The following NACC2 variants were observed in gnomAD, a reference collection of about 807,000 sequenced individuals.
The protein encoded by NACC2 is NACC family member 2.
Under a neutral mutation model 25.1 loss-of-function variants are expected in NACC2, and 8 were observed. The ratio of observed to expected loss-of-function variants is 0.32; its 90% CI spans 0.19 to 0.57. The LOEUF is 0.57. Ranked by LOEUF, NACC2 falls within the 20% of genes least tolerant of loss-of-function variation. The pLI, the probability that NACC2 is intolerant of heterozygous loss-of-function variation, is 0.89. For missense variants in NACC2, 644 were observed against 650.2 expected (o/e 0.99, Z 0.10); for synonymous variants, 435 against 294.7 (o/e 1.48, Z -4.88).
rs1374535587 is a variant in NACC2, at chr9:136,018,800, T to C, written c.887-2371A>G. Among the ~76,000 whole-genome samples the C allele has an allele frequency of 6.6e-6, 1 of 151,726 alleles. No homozygotes were observed. Among genetic ancestry groups the C allele is most frequent in the African/African-American group, 2.4e-5 (1 of 41,264 alleles). ...CCCGGGTGGTATTTTAAAACATAATTACACACCCCCACCCCCGGTGCAGCC... is the reference window on the plus strand; with the variant it reads ...CCCGGGTGGTATTTTAAAACATAATCACACACCCCCACCCCCGGTGCAGCC... On this transcript the variant is annotated intron_variant, in intron 2 of 5. Coordinates refer to ENST00000277554, the MANE Select transcript of NACC2 (RefSeq NM_144653.5). The surrounding 1 kb of genome is among the most constrained non-coding windows in gnomAD (Gnocchi z 4.4).
Position 136,013,165 on chromosome 9 carries a change from G to GGCC in NACC2, c.1255+33_1255+34insGGC. 23 of 706,848 alleles carry GGCC rather than the reference G, an allele frequency of 3.3e-5. No homozygotes were observed. Among genetic ancestry groups the GGCC allele is most frequent in the Non-Finnish European group, 3.6e-5 (14 of 391,526 alleles). The allele number at this position is 706,848 out of a possible 1,614,324, so 43.8% of individuals were successfully genotyped here. A position where few individuals can be genotyped will look rare whatever the true frequency, so the allele number is the denominator to read the frequency against. On this transcript the variant is annotated intron_variant, in intron 5 of 5. Transcript: ENST00000277554. This position sits in a 1 kb window ranked among gnomAD's most constrained non-coding sequence, Gnocchi z 6.6. ...AGGCTGGGATCTGAACCCAGCCCCG[G>GGCC]CCCCACCCACCCGAGAGACCCCCAG... is the stretch of plus-strand genomic sequence containing the variant.
intron 1 of NACC2, among the ~76,000 whole-genome samples, chr9:136,068,236 GC>G (rs1841110581): frequency 6.6e-6 from 1 of 152,144 alleles, no homozygotes. Flanking sequence ...AGTAGCTCAT[GC>G]CTGTAACCCC....
At chr9:136,094,645 G>A (rs946257619) in intron 1 of NACC2, among the ~76,000 whole-genome samples, 2 of 152,100 alleles carry the variant, frequency 1.3e-5, no homozygotes, top group African/African-American at 4.8e-5. Flanking sequence ...GGCGCGGGAG[G>A]CGGTGACGAC....
In NACC2 at chr9:136,008,374, C is replaced by T. The variant is rs1840055695; in HGVS notation, c.*3142G>A. ...GCTAGATCCCAGGCCCACCACCTGC[C>T]AGGCGGCAGCTCCAACACGGTCCAG... On this transcript the variant is annotated 3_prime_UTR_variant, in exon 6 of 6. Coordinates refer to ENST00000277554, the MANE Select transcript of NACC2 (RefSeq NM_144653.5). 1 of 152,410 alleles carries T rather than the reference C, an allele frequency of 6.6e-6. No individual in the cohort carries two copies. The highest frequency in any genetic ancestry group is 2.4e-5 in the African/African-American group (1 of 41,464). The allele number at this position is 152,410 out of a possible 1,614,324, so 9.4% of individuals were successfully genotyped here. A position where few individuals can be genotyped will look rare whatever the true frequency, so the allele number is the denominator to read the frequency against.
At chr9:136,031,629 T>C (rs1840474885) in intron 2 of NACC2, among the ~76,000 whole-genome samples, 4 of 152,176 alleles carry the variant, frequency 2.6e-5, no homozygotes, top group Admixed American at 2.6e-4. Flanking sequence ...TGAGCCACTG[T>C]GCCCGGCCCA....
intron 2 of NACC2, among the ~76,000 whole-genome samples, chr9:136,041,803 T>C (rs1157851391): frequency 6.6e-6 from 1 of 152,160 alleles, no homozygotes; most frequent in Non-Finnish European, 1.5e-5. Context: ...CATCCATATA[T>C]TAAAAGCTGG....
intron 2 of NACC2, among the ~76,000 whole-genome samples, chr9:136,021,988 A>G (rs1388654574): frequency 2.0e-5 from 3 of 152,156 alleles, no homozygotes; most frequent in Non-Finnish European, 4.4e-5. Flanking sequence ...CGAGGGAGCC[A>G]TTGTGAATGA....
rs140676815 is a variant in NACC2, at chr9:136,018,463, C to T, written c.887-2034G>A. ...CCCACTGAAGGCAGCAGGTGTTCCA[C>T]TCCTGAGAACCATGCGGGGTCTGAA... On this transcript the variant is annotated intron_variant, in intron 2 of 5. Transcript: ENST00000277554. The surrounding 1 kb of genome is among the most constrained non-coding windows in gnomAD (Gnocchi z 4.4). 3.3e-5 allele frequency among the ~76,000 whole-genome samples: 5 copies of T among 152,216 alleles called. No individual in the cohort carries two copies. Among genetic ancestry groups the T allele is most frequent in the Non-Finnish European group, 5.9e-5 (4 of 67,992 alleles).
At position 136,018,843 on chromosome 9, in the gene NACC2, C is replaced by T. The variant is rs903009335; in HGVS notation, c.887-2414G>A. On this transcript the variant is annotated intron_variant, in intron 2 of 5. Coordinates refer to ENST00000277554, the MANE Select transcript of NACC2 (RefSeq NM_144653.5). This position sits in a 1 kb window ranked among gnomAD's most constrained non-coding sequence, Gnocchi z 4.4. ...GTGCAGCCTGCTGTGATTACACACG[C>T]GGAGAAGCCGCACGGTGCGTGGCAT... 7.2e-5 allele frequency among the ~76,000 whole-genome samples: 11 copies of T among 152,332 alleles called. No individual in the cohort carries two copies. Among genetic ancestry groups the T allele is most frequent in the Admixed American group, 1.3e-4 (2 of 15,312 alleles).
rs1009490819 is a variant in NACC2, at chr9:136,055,787, G to A, written c.-59-5207C>T. 2.0e-5 allele frequency among the ~76,000 whole-genome samples: 3 copies of A among 152,212 alleles called. No homozygotes were observed. The highest frequency in any genetic ancestry group is 7.2e-5 in the African/African-American group (3 of 41,446). On this transcript the variant is annotated intron_variant, in intron 1 of 5. Coordinates refer to ENST00000277554, the MANE Select transcript of NACC2 (RefSeq NM_144653.5). The surrounding 1 kb of genome is among the most constrained non-coding windows in gnomAD (Gnocchi z 4.9). Reference sequence around the variant, plus strand: ...GGCACGGGAAACGTTCTGCGGAGGGGAGAGTCCCTCTACCCCGAGCCCCGG... The same window carrying A: ...GGCACGGGAAACGTTCTGCGGAGGGAAGAGTCCCTCTACCCCGAGCCCCGG...
chr9:136,012,923 TCAAAAAGGAA>T, intron 5 of NACC2, among the ~76,000 whole-genome samples: 1 of 152,320 alleles, frequency 6.6e-6, no homozygotes, highest in East Asian at 1.9e-4. Context: ...GGGGTTTTGT[TCAAAAAGGAA>T]AATTAGATCT....
intron 3 of NACC2, among the ~76,000 whole-genome samples, chr9:136,014,513 A>C (rs1389390819): frequency 1.3e-5 from 2 of 152,086 alleles, no homozygotes; most frequent in Admixed American, 1.3e-4. Flanking sequence ...GGTCTTGAAC[A>C]CCTGGCCTCA....
intron 1 of NACC2, among the ~76,000 whole-genome samples, chr9:136,075,556 C>A (rs961449565): frequency 6.6e-6 from 1 of 152,260 alleles, no homozygotes; most frequent in Non-Finnish European, 1.5e-5. Context: ...GCTGTCGTGC[C>A]TGAGGACGCA....
rs1252613155 is a variant in NACC2, at chr9:136,018,709, G to C, written c.887-2280C>G. 6.6e-6 allele frequency among the ~76,000 whole-genome samples: 1 copy of C among 151,752 alleles called. No homozygotes were observed. Among genetic ancestry groups the C allele is most frequent in the Non-Finnish European group, 1.5e-5 (1 of 67,932 alleles). Reference sequence around the variant, plus strand: ...CTACAGGGGTCAGGCAGCATTTCCCGGTGGGGCAGAGCATCGCAGGATAAG... The same window carrying C: ...CTACAGGGGTCAGGCAGCATTTCCCCGTGGGGCAGAGCATCGCAGGATAAG... On this transcript the variant is annotated intron_variant, in intron 2 of 5. Transcript: ENST00000277554. This position sits in a 1 kb window ranked among gnomAD's most constrained non-coding sequence, Gnocchi z 4.4.
chr9:136,032,535 TC>T (rs758712563), intron 2 of NACC2, among the ~76,000 whole-genome samples: 54 of 152,204 alleles, frequency 3.5e-4, no homozygotes, highest in Admixed American at 2.6e-4. Context: ...TGTAAGAAGT[TC>T]TGGCCAGTTC....
intron 2 of NACC2, among the ~76,000 whole-genome samples, chr9:136,041,544 C>A (rs1206475620): frequency 1.1e-4 from 17 of 151,086 alleles, no homozygotes. Flanking sequence ...AACCAAAGTG[C>A]CCAGAATAGG....
At chr9:136,070,273 CG>C (rs1841133858) in intron 1 of NACC2, among the ~76,000 whole-genome samples, 1 of 150,574 alleles carries the variant, frequency 6.6e-6, no homozygotes, top group African/African-American at 2.5e-5. Flanking sequence ...TTTGGGAGGC[CG>C]GGGCGGGTGG....
In NACC2 at chr9:136,022,353, G is replaced by A. The variant is rs1183407376; in HGVS notation, c.887-5924C>T. Among the ~76,000 whole-genome samples, 6 of 152,206 alleles carry A rather than the reference G, an allele frequency of 3.9e-5. No individual in the cohort carries two copies. The highest frequency in any genetic ancestry group is 6.5e-5 in the Admixed American group (1 of 15,290). ...GTGTCCCACCCCCGAAAGCACACAG[G>A]TGTGGACTCAACACCCTCCTGCCCG... On this transcript the variant is annotated intron_variant, in intron 2 of 5. Transcript: ENST00000277554. The surrounding 1 kb of genome is among the most constrained non-coding windows in gnomAD (Gnocchi z 4.4).
chr9:136,037,394 T>C (rs1840569550), intron 2 of NACC2, among the ~76,000 whole-genome samples: 1 of 152,048 alleles, frequency 6.6e-6, no homozygotes, highest in Admixed American at 6.5e-5. Flanking sequence ...TTAATTTTTG[T>C]ATTCCATTGT....
Sources: gnomAD v4.1 joint callset for allele counts (sites outside exome capture counted in the v4.1 genomes callset) on GRCh38, gnomAD v4.1.1 for gene constraint, Gnocchi (gnomAD v3.1) non-coding constraint, MANE v1.5 for transcripts, NCBI Gene and HGNC (gene_info 2026-07-23, HGNC 2026-07-21) for gene names.